Variants in TMEM67 observed in about 807,000 individuals in gnomAD.
TMEM67 encodes the protein meckelin.
A neutral mutation model predicts 136.6 loss-of-function variants in TMEM67; 124 were observed. The observed-to-expected ratio is 0.91, with a 90% CI of 0.78 to 1.05. TMEM67 has a LOEUF of 1.05. TMEM67 is among the 50% of genes least tolerant of loss of function. TMEM67 has a pLI of 0.00. For synonymous variants in TMEM67, 364 were observed against 390.5 expected, an observed-to-expected ratio of 0.93 and a Z score of 0.80; for missense variants, 1,107 against 1,178.4, an observed-to-expected ratio of 0.94 and a Z score of 0.89.
chr8:93,763,612 A>G (rs531227984), intron 3 of TMEM67, among the ~76,000 whole-genome samples: 2 of 152,334 alleles, frequency 1.3e-5, no homozygotes, highest in South Asian at 2.1e-4. Flanking sequence ...CTATGTGAGA[A>G]TAGGGAAGGC....
At chr8:93,777,321 T>C (rs1275632822) in intron 7 of TMEM67, among the ~76,000 whole-genome samples, 5 of 152,192 alleles carry the variant, frequency 3.3e-5, no homozygotes, top group African/African-American at 9.6e-5. Context: ...TTCCTTGATT[T>C]TTTGAAGGGT....
In TMEM67 at chr8:93,785,241, A is replaced by T. The variant is rs1309169047; in HGVS notation, c.1151A>T (p.Lys384Met). 6.3e-7 allele frequency: 1 copy of T among 1,588,944 alleles called. No homozygotes were observed. The highest frequency in any genetic ancestry group is 8.6e-7 in the Non-Finnish European group (1 of 1,158,364). The change falls in exon 12 of 28, where the codon AAG (lysine) becomes ATG (methionine). Residue 384 changes from lysine (K) to methionine (M), a missense_variant. Physicochemically the swap from Lys to Met is moderately conservative, Grantham distance 95. This residue lies in a region of TMEM67 where 925 missense variants were observed against 1,002.4 expected (regional missense o/e 0.92). Transcript: ENST00000453321. ...YQQNCEIPISKILIDFPTPIF... is the reference protein window; with the variant it reads ...YQQNCEIPISMILIDFPTPIF... ...TTTCAGTGTGAGATTCCTATCTCTA[A>T]GATCTTAATTGACTTTCCCACTCCT... is the stretch of plus-strand genomic sequence containing the variant.
rs577683642 is a variant in TMEM67 at position 93,775,840 on chromosome 8, T to G, written c.714+3189T>G. On this transcript the variant is annotated intron_variant, in intron 7 of 27. Coordinates refer to ENST00000453321, the MANE Select transcript of TMEM67 (RefSeq NM_153704.6). ...AGGATTGTCTTGGCAATGCAGGCTC[T>G]TTTTTGGTTCCACAGGAACTTTACA... Among the ~76,000 whole-genome samples the G allele has an allele frequency of 1.1e-4, 16 of 152,320 alleles. No homozygotes were observed. The South Asian group carries it at 3.1e-3, about 30-fold the overall frequency.
At chr8:93,822,225 A>G (rs913090903), downstream of TMEM67, among the ~76,000 whole-genome samples, 1 of 152,242 alleles carries the variant, frequency 6.6e-6, no homozygotes, top group African/African-American at 2.4e-5. Flanking sequence ...CAAATGACCA[A>G]TAAACACCTG....
intron 14 of TMEM67, among the ~76,000 whole-genome samples, chr8:93,789,020 G>A (rs751346204): frequency 5.9e-5 from 9 of 152,162 alleles, no homozygotes; most frequent in Admixed American, 2.0e-4. Flanking sequence ...TCTTCTGTAC[G>A]TTTTCCTCCT....
chr8:93,780,994 T>A lies in TMEM67; in HGVS notation c.978+12T>A. 7.0e-7 allele frequency: 1 copy of A among 1,424,146 alleles called. No homozygotes were observed. The highest frequency in any genetic ancestry group is 9.9e-7 in the Non-Finnish European group (1 of 1,008,426). 88.2% of individuals were successfully genotyped at this position (1,424,146 alleles called of 1,614,324 possible). Reference sequence around the variant, plus strand: ...AAGGAGAAAACCAGGTAAAAGTGTCTAATATCATTAGAGGATAACTACATT... The same window carrying A: ...AAGGAGAAAACCAGGTAAAAGTGTCAAATATCATTAGAGGATAACTACATT... On this transcript the variant is annotated intron_variant, in intron 9 of 27. Transcript: ENST00000453321.
intron 2 of TMEM67, chr8:93,757,228 T>C (rs1422169161): frequency 1.3e-5 from 2 of 152,172 alleles, no homozygotes; most frequent in Non-Finnish European, 2.9e-5. Context: ...ATTATTTTTG[T>C]TCTTTATAAA....
chr8:93,829,933 C>G, the TMEM67 span, among the ~76,000 whole-genome samples: 1 of 152,118 alleles, frequency 6.6e-6, no homozygotes, highest in Non-Finnish European at 1.5e-5. Context: ...CCTACTTTTC[C>G]GTCTTGGAGC....
In TMEM67 at chr8:93,781,000, C is replaced by A; in HGVS notation, c.978+18C>A. 2 of 1,335,892 alleles carry A rather than the reference C, an allele frequency of 1.5e-6. No individual in the cohort carries two copies. Among genetic ancestry groups the A allele is most frequent in the Non-Finnish European group, 2.2e-6 (2 of 927,900 alleles). The allele number at this position is 1,335,892 out of a possible 1,614,324, so 82.8% of individuals were successfully genotyped here. On this transcript the variant is annotated intron_variant, in intron 9 of 27. Transcript: ENST00000453321. ...AAAACCAGGTAAAAGTGTCTAATAT[C>A]ATTAGAGGATAACTACATTTTGATT...
chr8:93,798,567 A>G (rs1814722299), intron 20 of TMEM67, among the ~76,000 whole-genome samples: 1 of 152,214 alleles, frequency 6.6e-6, no homozygotes, highest in African/African-American at 2.4e-5. Flanking sequence ...TGAACATGGA[A>G]ACAGTTTATA....
intron 20 of TMEM67, 143 bp downstream of exon 20, chr8:93,797,613 C>T: frequency 1.3e-6 from 1 of 773,894 alleles, no homozygotes; most frequent in Non-Finnish European, 2.1e-6. Flanking sequence ...AAAAGGAGTA[C>T]CTTTATGTTA....
chr8:93,802,807 G>A (rs534413500), intron 21 of TMEM67, among the ~76,000 whole-genome samples: 5 of 152,192 alleles, frequency 3.3e-5, no homozygotes, highest in Admixed American at 1.3e-4. Context: ...GTCGGCTGGT[G>A]TAGATTCATT....
intron 9 of TMEM67, 91 bp downstream of exon 9, chr8:93,781,073 G>T: frequency 2.3e-6 from 2 of 880,186 alleles, no homozygotes; most frequent in South Asian, 2.8e-5. Context: ...TTTTTAGGTT[G>T]TTGGTACAAA....
At chr8:93,791,114 G>A (rs944306076) in intron 14 of TMEM67, 149 bp from the exon 15 acceptor site, 8 of 595,488 alleles carry the variant, frequency 1.3e-5, no homozygotes, top group South Asian at 4.5e-5. Flanking sequence ...ATCTATTTAC[G>A]TGTAAGTTAA....
intron 11 of TMEM67, 118 bp from the exon 12 acceptor site, chr8:93,785,104 C>T (rs1814032738): frequency 5.4e-6 from 4 of 743,208 alleles, no homozygotes; most frequent in African/African-American, 1.8e-5. Flanking sequence ...TAGAAAAACA[C>T]TCTGAAGATA....
Position 93,763,980 on chromosome 8 carries a change from CTTATA to C in TMEM67, c.506+43_506+47del, listed in dbSNP as rs775570657. 19 of 1,207,984 alleles carry C rather than the reference CTTATA, an allele frequency of 1.6e-5. No individual in the cohort carries two copies. In the South Asian group the frequency reaches 2.3e-4, roughly 15 times the overall value. The allele number at this position is 1,207,984 out of a possible 1,614,324, so 74.8% of individuals were successfully genotyped here. Reference sequence around the variant, plus strand: ...TGGGGGCTAACTTCATTAATATCATCTTATATTAGTGTATAATTTGTACTTTTAAG... The same window carrying C: ...TGGGGGCTAACTTCATTAATATCATCTTAGTGTATAATTTGTACTTTTAAG... On this transcript the variant is annotated intron_variant, in intron 4 of 27. Coordinates refer to ENST00000453321, the MANE Select transcript of TMEM67 (RefSeq NM_153704.6).
intron 7 of TMEM67, among the ~76,000 whole-genome samples, chr8:93,775,473 T>G (rs1813496891): frequency 6.6e-6 from 1 of 152,252 alleles, no homozygotes; most frequent in Non-Finnish European, 1.5e-5. Flanking sequence ...TTCTAGGGTT[T>G]TTATGGTTTT....
intron 23 of TMEM67, 71 bp downstream of exon 23, chr8:93,804,949 TA>T (rs891126582): frequency 1.4e-3 from 1,226 of 849,200 alleles, no homozygotes; most frequent in Middle Eastern, 1.7e-3. Flanking sequence ...GGATTTGTTT[TA>T]AAAAAAAAAC....
At chr8:93,826,265 G>A in the TMEM67 span, among the ~76,000 whole-genome samples, 3 of 151,370 alleles carry the variant, frequency 2.0e-5, no homozygotes, top group Non-Finnish European at 4.4e-5. Context: ...AAGTAGCTGG[G>A]ACTACAGGCG....
Sources: gnomAD v4.1 joint callset for allele counts (sites outside exome capture counted in the v4.1 genomes callset) on GRCh38, gnomAD v4.1.1 for gene constraint, gnomAD v4.1.1 regional missense constraint, MANE v1.5 for transcripts, NCBI Gene and HGNC (gene_info 2026-07-23, HGNC 2026-07-21) for gene names.